DLG2: variants seen among roughly 807,000 people sequenced by gnomAD.
DLG2 encodes discs large MAGUK scaffold protein 2.
A neutral mutation model predicts 132.5 loss-of-function variants in DLG2; 45 were observed. The observed-to-expected ratio is 0.34, with a 90% CI of 0.27 to 0.44. The LOEUF (loss-of-function observed/expected upper bound fraction) is 0.44. Among genes scored for constraint, DLG2 ranks in the 20% least tolerant of loss-of-function variants. The probability of loss-of-function intolerance (pLI) is 1.00; values close to 1 mark genes in which losing one functional copy is unlikely to be tolerated. For missense variants in DLG2, 1,045 were observed against 1,196.9 expected (o/e 0.87, Z 1.87); for synonymous variants, 424 against 419.6 (o/e 1.01, Z -0.13).
chr11:84,184,285 G>C (rs1310532684), intron 8 of DLG2, among the ~76,000 whole-genome samples: 8 of 151,022 alleles, frequency 5.3e-5, no homozygotes, highest in Non-Finnish European at 1.0e-4. Context: ...GTGTGAGATG[G>C]TATCTCATTG....
At chr11:83,948,582 T>A (rs2084649621) in intron 14 of DLG2, among the ~76,000 whole-genome samples, 1 of 148,800 alleles carries the variant, frequency 6.7e-6, no homozygotes, top group African/African-American at 2.5e-5. Flanking sequence ...TCTAGAAATC[T>A]TAAAGTTAAT....
rs182405696 is a variant in DLG2, at chr11:84,966,234, A to G, written c.357+145427T>C. ...TCTATCTATCTGTCTGTCTGTTTGT[A>G]TATCTATATCACAGTGTGTGCATTA... On this transcript the variant is annotated intron_variant, in intron 6 of 27. Coordinates refer to ENST00000376104, the MANE Select transcript of DLG2 (RefSeq NM_001142699.3). Among the ~76,000 whole-genome samples, 5 of 152,114 alleles carry G rather than the reference A, an allele frequency of 3.3e-5. No individual in the cohort carries two copies. The East Asian group carries it at 7.7e-4, about 23-fold the overall frequency.
intron 6 of DLG2, among the ~76,000 whole-genome samples, chr11:84,670,237 C>T (rs576321014): frequency 1.3e-5 from 2 of 152,228 alleles, no homozygotes; most frequent in South Asian, 2.1e-4. Context: ...TTCTCATTAA[C>T]AAAATGTCCA....
intron 4 of DLG2, among the ~76,000 whole-genome samples, chr11:85,220,400 A>G (rs2074554491): frequency 1.3e-5 from 2 of 152,044 alleles, no homozygotes; most frequent in African/African-American, 2.4e-5. Flanking sequence ...GCCCTAGAGT[A>G]AGAGTGTGCC....
intron 7 of DLG2, among the ~76,000 whole-genome samples, chr11:84,331,441 C>T (rs1420049495): frequency 8.4e-6 from 1 of 119,716 alleles, no homozygotes; most frequent in Non-Finnish European, 1.9e-5. Flanking sequence ...TTACTTATCT[C>T]AAAAAAAAAA....
intron 3 of DLG2, among the ~76,000 whole-genome samples, chr11:85,390,754 C>A (rs1282324338): frequency 3.9e-5 from 6 of 151,924 alleles, no homozygotes; most frequent in African/African-American, 1.4e-4. Flanking sequence ...ATAAGAGTAT[C>A]AAAACCTATC....
At chr11:84,868,486 G>A (rs1049473568) in intron 6 of DLG2, among the ~76,000 whole-genome samples, 3 of 152,020 alleles carry the variant, frequency 2.0e-5, no homozygotes, top group Admixed American at 6.6e-5. Context: ...AGTCTATTTC[G>A]TAACCAGAGA....
chr11:85,002,674 C>T (rs904524837), intron 6 of DLG2, among the ~76,000 whole-genome samples: 7 of 152,080 alleles, frequency 4.6e-5, no homozygotes, highest in Admixed American at 1.3e-4. Flanking sequence ...GTACTACAGT[C>T]GACCCTTGAA....
intron 6 of DLG2, among the ~76,000 whole-genome samples, chr11:84,540,994 GA>G (rs1362080878): frequency 6.6e-6 from 1 of 152,024 alleles, no homozygotes; most frequent in African/African-American, 2.4e-5. Flanking sequence ...TGAACAATGA[GA>G]ACACTTGGAC....
chr11:83,763,327 C>A (rs1156641044), intron 18 of DLG2, among the ~76,000 whole-genome samples: 1 of 152,076 alleles, frequency 6.6e-6, no homozygotes, highest in Non-Finnish European at 1.5e-5. Context: ...CTCCCTCCTC[C>A]CACCCTCCAC....
intron 6 of DLG2, among the ~76,000 whole-genome samples, chr11:84,962,353 A>G (rs2052699075): frequency 6.6e-6 from 1 of 152,254 alleles, no homozygotes; most frequent in South Asian, 2.1e-4. Context: ...ATAGTGAAAC[A>G]CTATCGGACA....
At chr11:84,532,583 C>T (rs1223354545) in intron 7 of DLG2, among the ~76,000 whole-genome samples, 1 of 152,114 alleles carries the variant, frequency 6.6e-6, no homozygotes, top group East Asian at 1.9e-4. Flanking sequence ...CCAGCCTCAA[C>T]TTCCTGGGCT....
At chr11:85,191,884 T>C (rs752994522) in intron 4 of DLG2, among the ~76,000 whole-genome samples, 1 of 152,240 alleles carries the variant, frequency 6.6e-6, no homozygotes, top group Non-Finnish European at 1.5e-5. Context: ...ATGGCTATTA[T>C]TATTTTCATA....
intron 6 of DLG2, among the ~76,000 whole-genome samples, chr11:84,687,534 C>T (rs189020070): frequency 6.6e-6 from 1 of 152,190 alleles, no homozygotes; most frequent in Non-Finnish European, 1.5e-5. Context: ...AAACACCTGT[C>T]TTTCCTCCAG....
intron 6 of DLG2, among the ~76,000 whole-genome samples, chr11:84,713,839 G>T (rs2060713801): frequency 6.6e-6 from 1 of 151,908 alleles, no homozygotes; most frequent in Non-Finnish European, 1.5e-5. Context: ...TATTCCCCAA[G>T]ATGTTGATTT....
intron 7 of DLG2, among the ~76,000 whole-genome samples, chr11:84,504,194 A>G (rs1003686630): frequency 4.6e-5 from 7 of 152,226 alleles, no homozygotes; most frequent in Non-Finnish European, 8.8e-5. Context: ...GATGTACACC[A>G]AAGCCCAAGT....
At chr11:83,554,090 C>G (rs2096462358) in intron 19 of DLG2, among the ~76,000 whole-genome samples, 1 of 151,874 alleles carries the variant, frequency 6.6e-6, no homozygotes, top group Non-Finnish European at 1.5e-5. Context: ...GCTTTGTTGG[C>G]CCAGGTTGGT....
At chr11:85,101,817 T>A (rs1195112126) in intron 6 of DLG2, among the ~76,000 whole-genome samples, 1 of 152,090 alleles carries the variant, frequency 6.6e-6, no homozygotes, top group Non-Finnish European at 1.5e-5. Context: ...AGATAGAGCT[T>A]AGCAACCCCT....
chr11:84,690,915 T>A (rs960631315), intron 6 of DLG2, among the ~76,000 whole-genome samples: 5 of 151,990 alleles, frequency 3.3e-5, no homozygotes, highest in South Asian at 2.1e-4. Context: ...GTGGCATATA[T>A]GATATTTTGA....
Sources: allele counts gnomAD v4.1 joint callset (sites outside exome capture counted in the v4.1 genomes callset), GRCh38; gene constraint gnomAD v4.1.1; transcripts MANE v1.5; gene names NCBI Gene and HGNC (gene_info 2026-07-23, HGNC 2026-07-21).